The following TBK1 variants were observed in gnomAD, a reference collection of about 807,000 sequenced individuals.
TBK1 encodes the protein TANK binding kinase 1.
In TBK1, 37 loss-of-function variants were observed where a neutral mutation model predicts 99.9. The ratio of observed to expected loss-of-function variants is 0.37; its 90% CI spans 0.28 to 0.49. TBK1 has a LOEUF of 0.49. TBK1 is among the 20% of genes least tolerant of loss of function. The pLI, the probability that TBK1 is intolerant of heterozygous loss-of-function variation, is 0.98. For missense variants in TBK1, 644 were observed against 872.5 expected (o/e 0.74, Z 3.30); for synonymous variants, 258 against 279.8 (o/e 0.92, Z 0.78).
chr12:64,497,620 T>TTTG, intron 18 of TBK1, 28 bp from the exon 19 acceptor site: 1 of 1,237,366 alleles, frequency 8.1e-7, no homozygotes. Context: ...GGGGTTTTTT[T>TTTG]CTTTTTTTTT....
At chr12:64,496,679 T>A (rs2040928232) in intron 16 of TBK1, among the ~76,000 whole-genome samples, 1 of 152,184 alleles carries the variant, frequency 6.6e-6, no homozygotes, top group Non-Finnish European at 1.5e-5. Context: ...GAAGTACAGA[T>A]AATACAGCAC....
In TBK1 at chr12:64,485,970, C is replaced by T. The variant is rs780669170; in HGVS notation, c.1293C>T (p.Thr431=). 5 of 1,594,018 alleles carry T rather than the reference C, an allele frequency of 3.1e-6. No individual in the cohort carries two copies. The highest frequency in any genetic ancestry group is 3.5e-5 in the Admixed American group (2 of 56,372). The change falls in exon 11 of 21, where the codon ACC becomes ACT. Residue 431 remains threonine, a synonymous_variant. Coordinates refer to ENST00000331710, the MANE Select transcript of TBK1 (RefSeq NM_013254.4). The part of the protein sequence containing the change: ...VVCYACRIAS[T]LLLYQELMRK... ...GTTATGCCTGCAGAATTGCCAGTAC[C>T]TTACTGCTTTATCAGGAATTAATGC...
chr12:64,499,132 C>G (rs1423961972), intron 20 of TBK1, among the ~76,000 whole-genome samples: 5 of 142,042 alleles, frequency 3.5e-5, no homozygotes, highest in African/African-American at 1.0e-4. Context: ...TAACCTCTGC[C>G]TCCCGGGTTC....
intron 6 of TBK1, among the ~76,000 whole-genome samples, chr12:64,476,259 G>C (rs1323001529): frequency 2.1e-5 from 3 of 144,746 alleles, no homozygotes; most frequent in Non-Finnish European, 3.0e-5. Context: ...CCTGGTTCAC[G>C]CTATTCTCCT....
At chr12:64,499,037 CTTT>C (rs763709411) in intron 20 of TBK1, among the ~76,000 whole-genome samples, 2 of 79,258 alleles carry the variant, frequency 2.5e-5, no homozygotes, top group African/African-American at 9.7e-5. Flanking sequence ...TAATTTTATT[CTTT>C]TTTTTTTTTT....
intron 2 of TBK1, among the ~76,000 whole-genome samples, chr12:64,459,642 C>T (rs1360528726): frequency 1.3e-5 from 2 of 152,184 alleles, no homozygotes; most frequent in Admixed American, 6.5e-5. Context: ...ACTTTAGCCT[C>T]GCTCTGCAAC....
At chr12:64,452,871 TAATTGCC>T (rs1356714330) in intron 1 of TBK1, 1 of 152,198 alleles carries the variant, frequency 6.6e-6, no homozygotes, top group Non-Finnish European at 1.5e-5. Context: ...AACTCCCAAG[TAATTGCC>T]AAATGTATAA....
At position 64,484,420 on chromosome 12, in the gene TBK1, C is replaced by T. The variant is rs143590388; in HGVS notation, c.1110C>T (p.Phe370=). The change falls in exon 9 of 21, where the codon TTC becomes TTT. Residue 370 remains phenylalanine, a synonymous_variant. Transcript: ENST00000331710. The part of the protein sequence containing the change: ...VLEPGRLAQH[F]PKTTEENPIF... ...AACCTGGAAGGCTGGCACAACATTTCCCTAAAACTACTGAGGAAAACCCTA... is the reference window on the plus strand; with the variant it reads ...AACCTGGAAGGCTGGCACAACATTTTCCTAAAACTACTGAGGAAAACCCTA... The T allele has an allele frequency of 2.2e-3, 3,519 of 1,614,080 alleles. 10 individuals carry two copies. Among genetic ancestry groups the T allele is most frequent in the Non-Finnish European group, 2.7e-3 (3,199 of 1,179,988 alleles).
chr12:64,490,408 A>G (rs1477388129), intron 13 of TBK1, among the ~76,000 whole-genome samples: 2 of 152,192 alleles, frequency 1.3e-5, no homozygotes, highest in African/African-American at 2.4e-5. Flanking sequence ...CACTGCAGAG[A>G]AAGAATTTTT....
At chr12:64,471,113 TTC>T (rs759691138) in intron 5 of TBK1, among the ~76,000 whole-genome samples, 2 of 152,154 alleles carry the variant, frequency 1.3e-5, no homozygotes, top group African/African-American at 2.4e-5. Context: ...ATATGTTAAA[TTC>T]TCTCTCTTTT....
chr12:64,465,838 G>A (rs1454717819), intron 4 of TBK1, among the ~76,000 whole-genome samples: 1 of 152,158 alleles, frequency 6.6e-6, no homozygotes, highest in African/African-American at 2.4e-5. Context: ...GAAATCAGTG[G>A]TGATGGTTGT....
At chr12:64,496,526 T>A in intron 16 of TBK1, 120 bp downstream of exon 16, 1 of 527,432 alleles carries the variant, frequency 1.9e-6, no homozygotes, top group Non-Finnish European at 3.1e-6. Flanking sequence ...AATCTTGATT[T>A]TACAGGATTG....
chr12:64,480,112 A>T lies in TBK1; in HGVS notation c.802A>T (p.Ser268Cys), dbSNP rs746971642. Residue 268 changes from serine to cysteine, a missense_variant, in exon 7 of 21, where the codon AGT becomes TGT. This residue lies in a region of TBK1 where 465 missense variants were observed against 588.0 expected (regional missense o/e 0.79). Transcript: ENST00000331710. Reference protein sequence around the residue: ...DWSGDMPVSCSLSRGLQVLLT... With the variant: ...DWSGDMPVSCCLSRGLQVLLT... ...GAGTGGAGACATGCCTGTTTCTTGC[A>T]GTCTTTCTCGGTAAGTATGGTGTAC... The T allele has an allele frequency of 1.2e-6, 2 of 1,611,398 alleles. No individual in the cohort carries two copies. Among genetic ancestry groups the T allele is most frequent in the Non-Finnish European group, 1.7e-6 (2 of 1,178,636 alleles).
intron 11 of TBK1, among the ~76,000 whole-genome samples, chr12:64,487,274 G>A (rs1322411051): frequency 6.6e-6 from 1 of 152,226 alleles, no homozygotes; most frequent in Non-Finnish European, 1.5e-5. Context: ...GTGGCCGACA[G>A]ATGTTAAGAA....
intron 20 of TBK1, among the ~76,000 whole-genome samples, chr12:64,501,031 T>C (rs1178365438): frequency 6.6e-6 from 1 of 152,156 alleles, no homozygotes; most frequent in Non-Finnish European, 1.5e-5. Flanking sequence ...AGTGCTGGGA[T>C]TACAGGCGTG....
At chr12:64,456,839 TAA>T (rs532644739) in intron 2 of TBK1, among the ~76,000 whole-genome samples, 43 of 118,494 alleles carry the variant, frequency 3.6e-4, no homozygotes, top group Non-Finnish European at 4.2e-4. Context: ...AAGACTCAAT[TAA>T]AAAAAAAAAA....
intron 5 of TBK1, 53 bp from the exon 6 acceptor site, chr12:64,474,177 A>G (rs754493202): frequency 1.3e-6 from 2 of 1,521,422 alleles, no homozygotes; most frequent in Non-Finnish European, 1.8e-6. Flanking sequence ...ATTTGTTTGT[A>G]TAATGAAATG....
At chr12:64,467,537 A>G (rs755388113) in intron 5 of TBK1, among the ~76,000 whole-genome samples, 1 of 152,220 alleles carries the variant, frequency 6.6e-6, no homozygotes. Context: ...AGAAAGCTAG[A>G]AAAGCTCTGT....
intron 5 of TBK1, among the ~76,000 whole-genome samples, chr12:64,467,831 A>G (rs2040622252): frequency 6.6e-6 from 1 of 152,198 alleles, no homozygotes; most frequent in African/African-American, 2.4e-5. Context: ...AAATGTCTTA[A>G]ATTGTTATCC....
Sources: gnomAD v4.1 joint callset for allele counts (sites outside exome capture counted in the v4.1 genomes callset) on GRCh38, gnomAD v4.1.1 for gene constraint, gnomAD v4.1.1 regional missense constraint, MANE v1.5 for transcripts, NCBI Gene and HGNC (gene_info 2026-07-23, HGNC 2026-07-21) for gene names.